LEKR1: variants seen among roughly 807,000 people sequenced by gnomAD.
LEKR1 encodes the protein protein LEKR1.
In LEKR1, 59 loss-of-function variants were observed where a neutral mutation model predicts 72.4. The observed-to-expected ratio is 0.82, with a 90% confidence interval of 0.66 to 1.01. The LOEUF is 1.01. Ranked by LOEUF, LEKR1 falls within the 50% of genes least tolerant of loss-of-function variation. The pLI, the probability that LEKR1 is intolerant of heterozygous loss-of-function variation, is 0.00. For missense variants in LEKR1, 728 were observed against 759.2 expected, an observed-to-expected ratio of 0.96 and a Z score of 0.48; for synonymous variants, 257 against 263.2, an observed-to-expected ratio of 0.98 and a Z score of 0.23.
At position 156,942,589 on chromosome 3, in the gene LEKR1, A is replaced by C; in HGVS notation, c.620A>C (p.Lys207Thr). 1 of 1,268,620 alleles carries C rather than the reference A, an allele frequency of 7.9e-7. No homozygotes were observed. Among genetic ancestry groups the C allele is most frequent in the Non-Finnish European group, 1.0e-6 (1 of 975,298 alleles). The allele number at this position is 1,268,620 out of a possible 1,614,324, so 78.6% of individuals were successfully genotyped here. A position where few individuals can be genotyped will look rare whatever the true frequency, so the allele number is the denominator to read the frequency against. The change falls in exon 6 of 13, where the codon AAG (lysine) becomes ACG (threonine). Residue 207 changes from lysine to threonine, a missense_variant. Transcript: ENST00000356539. ...CAGAGAAATAAAGTATGCCTTGAAAAGGAAATGAAAAATCTGAAATTGTTG... is the reference window on the plus strand; with the variant it reads ...CAGAGAAATAAAGTATGCCTTGAAACGGAAATGAAAAATCTGAAATTGTTG... ...VSQRNKVCLE[K>T]EMKNLKLLSD...
At chr3:156,844,041 A>G (rs2108533654) in intron 2 of LEKR1, among the ~76,000 whole-genome samples, 1 of 152,266 alleles carries the variant, frequency 6.6e-6, no homozygotes, top group East Asian at 1.9e-4. Context: ...TTTGTAGTCA[A>G]AAATACTTTT....
intron 3 of LEKR1, among the ~76,000 whole-genome samples, chr3:156,909,535 C>G (rs1722898161): frequency 6.6e-6 from 1 of 151,684 alleles, no homozygotes; most frequent in East Asian, 1.9e-4. Context: ...CCTGTAGTCC[C>G]AGCTACTCAG....
chr3:157,023,687 A>G (rs539988244), intron 10 of LEKR1, among the ~76,000 whole-genome samples: 1 of 152,334 alleles, frequency 6.6e-6, no homozygotes, highest in East Asian at 1.9e-4. Flanking sequence ...AAGATCACTC[A>G]GTTAGGAAGT....
chr3:156,980,009 G>A (rs553274116), intron 7 of LEKR1: 1 of 152,066 alleles, frequency 6.6e-6, no homozygotes, highest in Non-Finnish European at 1.5e-5. Context: ...GTGAGACCCT[G>A]TCTCAAAATG....
At chr3:156,982,223 A>G (rs547250276) in intron 7 of LEKR1, among the ~76,000 whole-genome samples, 4 of 152,184 alleles carry the variant, frequency 2.6e-5, no homozygotes, top group Non-Finnish European at 4.4e-5. Context: ...AGTCTCAGCA[A>G]TATCCCCAAG....
chr3:156,935,861 T>C (rs1725649450), intron 5 of LEKR1, among the ~76,000 whole-genome samples: 1 of 152,214 alleles, frequency 6.6e-6, no homozygotes, highest in Non-Finnish European at 1.5e-5. Flanking sequence ...TTAATATGGC[T>C]ACTGGAAATT....
At chr3:156,853,357 G>A (rs945930576) in intron 3 of LEKR1, 1 of 154,238 alleles carries the variant, frequency 6.5e-6, no homozygotes, top group Non-Finnish European at 1.4e-5. Flanking sequence ...TAGATTTGTA[G>A]AATAAGGCTT....
chr3:157,039,233 A>C (rs1476443018), intron 12 of LEKR1, among the ~76,000 whole-genome samples: 2 of 152,244 alleles, frequency 1.3e-5, no homozygotes, highest in Non-Finnish European at 2.9e-5. Context: ...AAACATTGGC[A>C]TCATGGGTTA....
intron 3 of LEKR1, among the ~76,000 whole-genome samples, chr3:156,876,065 G>A (rs1489804888): frequency 4.7e-5 from 7 of 150,246 alleles, no homozygotes; most frequent in African/African-American, 1.5e-4. Flanking sequence ...GCCAATTATC[G>A]TGGCACCATT....
chr3:156,952,955 A>G (rs1372957373), intron 6 of LEKR1, among the ~76,000 whole-genome samples: 1 of 151,524 alleles, frequency 6.6e-6, no homozygotes, highest in Non-Finnish European at 1.5e-5. Context: ...TGTCAAACAA[A>G]GAAAGGAAGA....
At chr3:156,968,869 G>C (rs1728879107) in intron 6 of LEKR1, among the ~76,000 whole-genome samples, 1 of 152,112 alleles carries the variant, frequency 6.6e-6, no homozygotes, top group Non-Finnish European at 1.5e-5. Context: ...TGACCACATA[G>C]TTGGAAGTAA....
In LEKR1 at chr3:156,942,499, C is replaced by T. The variant is rs1445922383; in HGVS notation, c.560-30C>T. On this transcript the variant is annotated intron_variant, in intron 5 of 12. Coordinates refer to ENST00000356539, the MANE Select transcript of LEKR1 (RefSeq NM_001004316.3). ...AAATGTTTTATGATTCAATTATTGGCTATTTGTAAACTTTGAATTCTTCTT... is the reference window on the plus strand; with the variant it reads ...AAATGTTTTATGATTCAATTATTGGTTATTTGTAAACTTTGAATTCTTCTT... 3 of 764,228 alleles carry T rather than the reference C, an allele frequency of 3.9e-6. No individual in the cohort carries two copies. The East Asian group carries it at 2.7e-4, about 70-fold the overall frequency. 47.3% of individuals were successfully genotyped at this position (764,228 alleles called of 1,614,324 possible). A position where few individuals can be genotyped will look rare whatever the true frequency, so the allele number is the denominator to read the frequency against.
chr3:156,888,299 A>C, intron 3 of LEKR1: 1 of 702,106 alleles, frequency 1.4e-6, no homozygotes, highest in South Asian at 1.5e-5. Flanking sequence ...CTTAACAGCA[A>C]AATATACTTC....
chr3:156,967,122 A>G (rs892747331), intron 6 of LEKR1, among the ~76,000 whole-genome samples: 4 of 152,218 alleles, frequency 2.6e-5, no homozygotes, highest in African/African-American at 9.6e-5. Context: ...CCCAAACCCC[A>G]TCTGTACGTC....
chr3:156,923,759 G>T (rs980817573), intron 4 of LEKR1, among the ~76,000 whole-genome samples: 2 of 150,888 alleles, frequency 1.3e-5, no homozygotes, highest in Admixed American at 6.6e-5. Flanking sequence ...ACGGAGGCTC[G>T]CTCTATCACC....
chr3:157,035,766 C>A (rs1286866550), intron 12 of LEKR1, among the ~76,000 whole-genome samples: 3 of 152,024 alleles, frequency 2.0e-5, no homozygotes, highest in Non-Finnish European at 2.9e-5. Flanking sequence ...TGTCGTGGTG[C>A]TGCACATCTG....
chr3:156,950,542 C>T (rs1414202513), intron 6 of LEKR1, among the ~76,000 whole-genome samples: 2 of 150,928 alleles, frequency 1.3e-5, no homozygotes, highest in African/African-American at 4.9e-5. Flanking sequence ...ATTGTAGAGA[C>T]CTTTCATCTT....
At chr3:156,950,704 T>A (rs1325700572) in intron 6 of LEKR1, among the ~76,000 whole-genome samples, 2 of 151,614 alleles carry the variant, frequency 1.3e-5, no homozygotes, top group Non-Finnish European at 3.0e-5. Context: ...CTAGTGATTG[T>A]ACATTGATTT....
chr3:156,933,254 C>A lies in LEKR1; in HGVS notation c.559+5650C>A, dbSNP rs535326549. Among the ~76,000 whole-genome samples, 3 of 152,102 alleles carry A rather than the reference C, an allele frequency of 2.0e-5. No homozygotes were observed. In the East Asian group the frequency reaches 5.8e-4, roughly 29 times the overall value. On this transcript the variant is annotated intron_variant, in intron 5 of 12. Transcript: ENST00000356539. ...TATACTATATATTATGCATCATTTCCATTATTTAAACATTCATATATGTCT... is the reference window on the plus strand; with the variant it reads ...TATACTATATATTATGCATCATTTCAATTATTTAAACATTCATATATGTCT...
Sources: gnomAD v4.1 joint callset for allele counts (sites outside exome capture counted in the v4.1 genomes callset) on GRCh38, gnomAD v4.1.1 for gene constraint, MANE v1.5 for transcripts, NCBI Gene and HGNC (gene_info 2026-07-23, HGNC 2026-07-21) for gene names.